The following ACOT7 variants were observed in gnomAD, a reference collection of about 807,000 sequenced individuals.
ACOT7 encodes the protein cytosolic acyl coenzyme A thioester hydrolase.
In ACOT7, 12 loss-of-function variants were observed where a neutral mutation model predicts 40.2. The observed-to-expected ratio is 0.30, with a 90% CI of 0.19 to 0.48. The LOEUF is 0.48. Ranked by LOEUF, ACOT7 falls within the 20% of genes least tolerant of loss-of-function variation. ACOT7 has a pLI of 0.99. For missense variants in ACOT7, 395 were observed against 530.8 expected (o/e 0.74, Z 2.51); for synonymous variants, 228 against 219.5 (o/e 1.04, Z -0.34).
chr1:6,348,608 C>G (rs529130606), intron 2 of ACOT7, among the ~76,000 whole-genome samples: 1 of 152,332 alleles, frequency 6.6e-6, no homozygotes, highest in South Asian at 2.1e-4. Flanking sequence ...CGAGGACACA[C>G]AGGAAGTGAT....
At chr1:6,286,678 G>A (rs1238303819) in intron 7 of ACOT7, among the ~76,000 whole-genome samples, 6 of 152,184 alleles carry the variant, frequency 3.9e-5, no homozygotes, top group African/African-American at 9.7e-5. Flanking sequence ...ACCCAGCCAC[G>A]ACCCACTCAC....
intron 4 of ACOT7, among the ~76,000 whole-genome samples, chr1:6,329,987 G>A (rs911719103): frequency 2.0e-5 from 3 of 152,100 alleles, no homozygotes; most frequent in African/African-American, 4.8e-5. Context: ...GACATCCTGC[G>A]CTAGACGACT....
intron 5 of ACOT7, among the ~76,000 whole-genome samples, chr1:6,323,734 AAAAATATATATATATATAT>A (rs1176069773): frequency 6.7e-4 from 55 of 81,638 alleles, no homozygotes; most frequent in African/African-American, 3.4e-3. Context: ...AAAAAAAAAA[AAAAATATATATATATATAT>A]ATATATATAT....
chr1:6,340,870 T>C (rs1164045511), intron 2 of ACOT7, among the ~76,000 whole-genome samples: 1 of 152,012 alleles, frequency 6.6e-6, no homozygotes. Context: ...ACTCCATCTC[T>C]ACTAAAAATA....
At chr1:6,374,348 C>G (rs903197459) in intron 1 of ACOT7, among the ~76,000 whole-genome samples, 5 of 152,350 alleles carry the variant, frequency 3.3e-5, no homozygotes, top group Middle Eastern at 3.4e-3. Context: ...GAAGGCATGT[C>G]CCTCAGTGGG....
Position 6,306,811 on chromosome 1 carries a change from C to T in ACOT7, c.712+11681G>A. 1 of 1,288,944 alleles carries T rather than the reference C, an allele frequency of 7.8e-7. No individual in the cohort carries two copies. Among genetic ancestry groups the T allele is most frequent in the Non-Finnish European group, 1.0e-6 (1 of 988,568 alleles). 79.8% of individuals were successfully genotyped at this position (1,288,944 alleles called of 1,614,324 possible). A position where few individuals can be genotyped will look rare whatever the true frequency, so the allele number is the denominator to read the frequency against. On this transcript the variant is annotated intron_variant, in intron 6 of 8. Transcript: ENST00000361521. The surrounding 1 kb of genome is among the most constrained non-coding windows in gnomAD (Gnocchi z 4.3). ...CCCACGTAGCAGTGGGGGCTCCGGC[C>T]AAACAAGGTCACGGAATTGGAAAAG...
Position 6,278,632 on chromosome 1 carries a change from A to G in ACOT7, c.1014+2470T>C. 6.6e-6 allele frequency among the ~76,000 whole-genome samples: 1 copy of G among 152,192 alleles called. No homozygotes were observed. The highest frequency in any genetic ancestry group is 3.2e-3 in the Middle Eastern group (1 of 316). ...ACCCTGTTGAGGGGCAGCACTGGCC[A>G]AGTCAATTTGGGAGTCAATACAACA... On this transcript the variant is annotated intron_variant, in intron 8 of 8. Coordinates refer to ENST00000361521, the MANE Select transcript of ACOT7 (RefSeq NM_007274.4). This position sits in a 1 kb window ranked among gnomAD's most constrained non-coding sequence, Gnocchi z 4.1.
chr1:6,385,730 T>C, intron 1 of ACOT7: 1 of 1,543,024 alleles, frequency 6.5e-7, no homozygotes, highest in Non-Finnish European at 8.7e-7. Context: ...AGCCCAAGCC[T>C]GTGTCTGCCT....
intron 1 of ACOT7, among the ~76,000 whole-genome samples, chr1:6,351,333 C>G (rs1404104921): frequency 6.6e-6 from 1 of 152,238 alleles, no homozygotes; most frequent in Non-Finnish European, 1.5e-5. Context: ...ACACAGTGGC[C>G]GGGGGATCCC....
chr1:6,345,491 A>G (rs1454808159), intron 2 of ACOT7, among the ~76,000 whole-genome samples: 1 of 152,254 alleles, frequency 6.6e-6, no homozygotes, highest in Non-Finnish European at 1.5e-5. Context: ...AATGGTCCCA[A>G]CAGGCTGCTG....
At chr1:6,298,762 G>A (rs1190935530) in intron 6 of ACOT7, among the ~76,000 whole-genome samples, 2 of 152,216 alleles carry the variant, frequency 1.3e-5, no homozygotes, top group African/African-American at 4.8e-5. Flanking sequence ...ATGGCAAGGG[G>A]CCTCCATAAA....
At chr1:6,329,881 T>A (rs1361473242) in intron 4 of ACOT7, among the ~76,000 whole-genome samples, 2 of 152,098 alleles carry the variant, frequency 1.3e-5, no homozygotes, top group African/African-American at 4.8e-5. Context: ...CCTCTGGTCA[T>A]CCTGGGGCCC....
chr1:6,292,250 T>C (rs937807366), intron 7 of ACOT7, among the ~76,000 whole-genome samples: 5 of 152,366 alleles, frequency 3.3e-5, no homozygotes, highest in Middle Eastern at 3.4e-3. Context: ...GCCCAGTGTT[T>C]TACCCAGGAG....
intron 5 of ACOT7, among the ~76,000 whole-genome samples, chr1:6,324,908 G>A (rs1260974840): frequency 6.6e-6 from 1 of 152,184 alleles, no homozygotes; most frequent in Non-Finnish European, 1.5e-5. Flanking sequence ...GTCTGGCCCT[G>A]AGCGCTGTGT....
intron 1 of ACOT7, among the ~76,000 whole-genome samples, chr1:6,363,248 C>T (rs947748067): frequency 1.3e-5 from 2 of 152,206 alleles, no homozygotes; most frequent in African/African-American, 2.4e-5. Flanking sequence ...CTTGGTCTAG[C>T]GGTAACGCCA....
chr1:6,377,388 A>G (rs1292550414), intron 1 of ACOT7, among the ~76,000 whole-genome samples: 2 of 152,182 alleles, frequency 1.3e-5, no homozygotes, highest in African/African-American at 4.8e-5. Flanking sequence ...TAATAAAAAA[A>G]TACATTATGT....
At chr1:6,354,485 G>A (rs983730828) in intron 1 of ACOT7, among the ~76,000 whole-genome samples, 1 of 152,268 alleles carries the variant, frequency 6.6e-6, no homozygotes, top group South Asian at 2.1e-4. Flanking sequence ...GGACGCAGCT[G>A]TCATGCAGGG....
intron 1 of ACOT7, 71 bp from the exon 2 acceptor site, chr1:6,349,937 AG>A: frequency 6.8e-7 from 1 of 1,470,516 alleles, no homozygotes. Context: ...CAATCCAAGG[AG>A]GGGAGAAGGT....
chr1:6,307,230 G>A (rs945903015), intron 6 of ACOT7, among the ~76,000 whole-genome samples: 24 of 152,368 alleles, frequency 1.6e-4, no homozygotes, highest in African/African-American at 4.6e-4. Context: ...GTTAGAGAGC[G>A]GTCATTACGT....
Sources: allele counts gnomAD v4.1 joint callset (sites outside exome capture counted in the v4.1 genomes callset), GRCh38; gene constraint gnomAD v4.1.1; non-coding constraint Gnocchi (gnomAD v3.1); transcripts MANE v1.5; gene names NCBI Gene and HGNC (gene_info 2026-07-23, HGNC 2026-07-21).